Variants in FILIP1 observed in about 807,000 individuals in gnomAD.
The protein encoded by FILIP1 is filamin A interacting protein 1, also known as filamin-A-interacting protein 1.
A neutral mutation model predicts 102.1 loss-of-function variants in FILIP1; 61 were observed. The ratio of observed to expected loss-of-function variants is 0.60; its 90% CI spans 0.49 to 0.74. FILIP1 has a LOEUF of 0.74. Among genes scored for constraint, FILIP1 ranks in the 30% least tolerant of loss-of-function variants. The pLI is 0.00. For synonymous variants in FILIP1, 491 were observed against 526.9 expected (o/e 0.93, Z 0.93); for missense variants, 1,314 against 1,441.2 (o/e 0.91, Z 1.43).
At chr6:75,326,095 T>TAGATTAGA (rs1554200298) in intron 4 of FILIP1, among the ~76,000 whole-genome samples, 6,195 of 144,798 alleles carry the variant, frequency 0.043, 293 homozygotes, top group African/African-American at 0.12. Context: ...GATAGATAGA[T>TAGATTAGA]TAGATAGATA....
At chr6:75,441,662 G>A (rs1399032304) in intron 1 of FILIP1, among the ~76,000 whole-genome samples, 10 of 143,730 alleles carry the variant, frequency 7.0e-5, no homozygotes, top group South Asian at 2.2e-4. Flanking sequence ...GCGGGGGGCT[G>A]ACGCCCCCAC....
chr6:75,372,039 A>G (rs1389799329), intron 2 of FILIP1, among the ~76,000 whole-genome samples: 1 of 152,230 alleles, frequency 6.6e-6, no homozygotes, highest in Non-Finnish European at 1.5e-5. Flanking sequence ...AATGGGAGAA[A>G]ATATCTGCAT....
At chr6:75,334,853 T>C (rs1417882658) in intron 4 of FILIP1, 1 of 152,126 alleles carries the variant, frequency 6.6e-6, no homozygotes, top group Non-Finnish European at 1.5e-5. Flanking sequence ...TCCTCCCTTA[T>C]ATGGCTCATT....
intron 1 of FILIP1, among the ~76,000 whole-genome samples, chr6:75,445,522 T>C (rs2149727612): frequency 6.6e-6 from 1 of 152,306 alleles, no homozygotes; most frequent in African/African-American, 2.4e-5. Flanking sequence ...GCTGCTTCTT[T>C]TCTTACTCTC....
In FILIP1 at chr6:75,315,027, G is replaced by GT; in HGVS notation, c.804dup (p.Gln269ThrfsTer36). 6.2e-7 allele frequency: 1 copy of GT among 1,614,064 alleles called. No individual in the cohort carries two copies. The highest frequency in any genetic ancestry group is 8.5e-7 in the Non-Finnish European group (1 of 1,180,008). ...TCCCTCAGCTTCTGAGTAAGATCCT[G>GT]TACTTTCTGGCTTTGCAGGCCAAGT... is the stretch of plus-strand genomic sequence containing the variant. On this transcript the variant is annotated frameshift_variant, in exon 5 of 6. Coordinates refer to ENST00000237172, the MANE Select transcript of FILIP1 (RefSeq NM_015687.5). LOFTEE classifies it high-confidence loss of function.
chr6:75,307,381 A>G (rs956804301), downstream of FILIP1, among the ~76,000 whole-genome samples: 2 of 152,230 alleles, frequency 1.3e-5, no homozygotes, highest in African/African-American at 4.8e-5. Context: ...GGTGCTATCC[A>G]TATAATTTTG....
intron 3 of FILIP1, among the ~76,000 whole-genome samples, chr6:75,356,078 A>G (rs554946327): frequency 2.0e-5 from 3 of 152,306 alleles, no homozygotes; most frequent in African/African-American, 4.8e-5. Context: ...CGCCACCCCA[A>G]TTGAGAACCA....
rs1475962179 is a variant in FILIP1, at chr6:75,366,920, C to A, written c.277-4003G>T. Among the ~76,000 whole-genome samples the A allele has an allele frequency of 3.3e-5, 5 of 152,152 alleles. No individual in the cohort carries two copies. The East Asian group carries it at 7.7e-4, about 23-fold the overall frequency. Reference sequence around the variant, plus strand: ...TTTCCTTGTCTGTAAAGTGGGGACACAACCCCTATACATTATAGGGACTGT... The same window carrying A: ...TTTCCTTGTCTGTAAAGTGGGGACAAAACCCCTATACATTATAGGGACTGT... On this transcript the variant is annotated intron_variant, in intron 2 of 5. Coordinates refer to ENST00000237172, the MANE Select transcript of FILIP1 (RefSeq NM_015687.5).
At chr6:75,401,811 A>G (rs892710387) in intron 2 of FILIP1, among the ~76,000 whole-genome samples, 2 of 152,180 alleles carry the variant, frequency 1.3e-5, no homozygotes, top group Non-Finnish European at 2.9e-5. Flanking sequence ...ACCCCACTTA[A>G]CATACATTTC....
rs867803020 is a variant in FILIP1 at position 75,313,102 on chromosome 6, C to T, written c.2730G>A (p.Leu910=). 3 of 1,614,136 alleles carry T rather than the reference C, an allele frequency of 1.9e-6. No homozygotes were observed. The highest frequency in any genetic ancestry group is 1.1e-5 in the South Asian group (1 of 91,080). Residue 910 remains leucine (L), a synonymous_variant, in exon 5 of 6, where the codon CTG becomes CTA. Transcript: ENST00000237172. This position sits in a 1 kb window ranked among gnomAD's most constrained non-coding sequence, Gnocchi z 4.2. ...CGTGGTCTGGTGTCACTCGAATATG[C>T]AGGGGCTGGCCCTGCTTTGGTGAAA... The part of the protein sequence containing the change: ...VVLSPKQGQP[L]HIRVTPDHEN...
intron 2 of FILIP1, among the ~76,000 whole-genome samples, chr6:75,370,346 G>A (rs958014276): frequency 1.3e-5 from 2 of 152,074 alleles, no homozygotes; most frequent in South Asian, 4.1e-4. Flanking sequence ...TGTCTATAGC[G>A]CCTAAAAGAG....
At chr6:75,335,429 A>G (rs934707451) in intron 4 of FILIP1, among the ~76,000 whole-genome samples, 5 of 152,084 alleles carry the variant, frequency 3.3e-5, no homozygotes, top group Non-Finnish European at 5.9e-5. Context: ...AAAAGCTTCT[A>G]TCATCTTCAA....
intron 4 of FILIP1, 118 bp from the exon 5 acceptor site, chr6:75,315,320 T>C: frequency 1.5e-6 from 1 of 650,200 alleles, no homozygotes; most frequent in African/African-American, 1.9e-5. Flanking sequence ...TGCTATAATT[T>C]CAATGTTTAA....
intron 3 of FILIP1, among the ~76,000 whole-genome samples, chr6:75,355,489 C>A (rs1774960981): frequency 6.6e-6 from 1 of 151,358 alleles, no homozygotes; most frequent in African/African-American, 2.4e-5. Flanking sequence ...GCAACGTCCA[C>A]CTCCTGGGTT....
chr6:75,383,684 A>G (rs536856202), intron 2 of FILIP1, among the ~76,000 whole-genome samples: 1 of 152,322 alleles, frequency 6.6e-6, no homozygotes, highest in South Asian at 2.1e-4. Flanking sequence ...CAACATTATG[A>G]AGCACTTAGA....
intron 2 of FILIP1, among the ~76,000 whole-genome samples, chr6:75,376,630 G>A (rs914564887): frequency 1.3e-5 from 2 of 152,102 alleles, no homozygotes; most frequent in African/African-American, 2.4e-5. Flanking sequence ...TGATAAGAGC[G>A]AATTGCCTGA....
chr6:75,353,826 G>C, intron 3 of FILIP1, 109 bp from the exon 4 acceptor site: 1 of 1,057,720 alleles, frequency 9.5e-7, no homozygotes, highest in Non-Finnish European at 1.4e-6. Context: ...AGCGAGAACA[G>C]TGAGTCTGGT....
Position 75,313,232 on chromosome 6 carries a change from T to C in FILIP1, c.2600A>G (p.Lys867Arg). The change falls in exon 5 of 6, where the codon AAG becomes AGG. Residue 867 changes from lysine to arginine, a missense_variant. Physicochemically the swap from Lys to Arg is conservative, Grantham distance 26 (BLOSUM62 2). Around this residue, in one of 3 missense-constraint regions of FILIP1, gnomAD observed 816 missense variants for 913.1 expected, o/e 0.89. Coordinates refer to ENST00000237172, the MANE Select transcript of FILIP1 (RefSeq NM_015687.5). This position sits in a 1 kb window ranked among gnomAD's most constrained non-coding sequence, Gnocchi z 4.2. ...CTTTCTCATCCATGGAATCCAAGAC[T>C]TTCTCATAGTGAGCTCATTTGCTGC... ...PPAANELTMR[K>R]SWIPWMRKRE... is the part of the protein sequence containing the mutation. 1 of 1,614,190 alleles carries C rather than the reference T, an allele frequency of 6.2e-7. No homozygotes were observed. Among genetic ancestry groups the C allele is most frequent in the Non-Finnish European group, 8.5e-7 (1 of 1,180,028 alleles).
At chr6:75,410,134 C>T (rs1777011198) in intron 2 of FILIP1, among the ~76,000 whole-genome samples, 2 of 152,122 alleles carry the variant, frequency 1.3e-5, no homozygotes, top group Non-Finnish European at 2.9e-5. Context: ...CTCAGAACAC[C>T]ACCTCCAGAG....
Sources: allele counts gnomAD v4.1 joint callset (sites outside exome capture counted in the v4.1 genomes callset), GRCh38; gene constraint gnomAD v4.1.1; regional missense constraint gnomAD v4.1.1; non-coding constraint Gnocchi (gnomAD v3.1); transcripts MANE v1.5; gene names NCBI Gene and HGNC (gene_info 2026-07-23, HGNC 2026-07-21).